Variants in IFT80 observed in about 807,000 individuals in gnomAD.
The protein encoded by IFT80 is intraflagellar transport protein 80 homolog.
A neutral mutation model predicts 107.9 loss-of-function variants in IFT80; 79 were observed. The observed-to-expected ratio is 0.73, with a 90% CI of 0.61 to 0.88. The LOEUF (loss-of-function observed/expected upper bound fraction) is 0.88, where lower values mean the gene tolerates loss of function less well. Among genes scored for constraint, IFT80 ranks in the 40% least tolerant of loss-of-function variants. The pLI is 0.00. For synonymous variants in IFT80, 299 were observed against 300.9 expected, an observed-to-expected ratio of 0.99 and a Z score of 0.07; for missense variants, 797 against 914.2, an observed-to-expected ratio of 0.87 and a Z score of 1.65.
intron 5 of IFT80, among the ~76,000 whole-genome samples, chr3:160,373,030 G>T (rs1711651862): frequency 6.6e-6 from 1 of 152,118 alleles, no homozygotes; most frequent in Non-Finnish European, 1.5e-5. Context: ...TATGGCATGG[G>T]ATTAGGCAAT....
At chr3:160,371,842 A>C (rs1711548945) in intron 5 of IFT80, among the ~76,000 whole-genome samples, 1 of 152,208 alleles carries the variant, frequency 6.6e-6, no homozygotes, top group Non-Finnish European at 1.5e-5. Flanking sequence ...AGTGTGGGGA[A>C]AATGTCCTTA....
chr3:160,365,435 C>T (rs1288386855), intron 6 of IFT80, among the ~76,000 whole-genome samples: 1 of 152,088 alleles, frequency 6.6e-6, no homozygotes, highest in Non-Finnish European at 1.5e-5. Context: ...TGTAGCCTGT[C>T]AATGTCTACC....
chr3:160,366,585 C>T lies in IFT80; in HGVS notation c.440-433G>A, dbSNP rs548432905. ...CAAATGTTTTTACATTTATTTGCAA[C>T]TAGTTCAACAAATGATGTTGGTTTA... On this transcript the variant is annotated intron_variant, in intron 5 of 19. Transcript: ENST00000326448. Among the ~76,000 whole-genome samples the T allele has an allele frequency of 3.9e-5, 6 of 152,136 alleles. No individual in the cohort carries two copies. The South Asian group carries it at 8.3e-4, about 21-fold the overall frequency.
chr3:160,398,931 C>A (rs1015378283), intron 1 of IFT80, among the ~76,000 whole-genome samples: 1 of 152,128 alleles, frequency 6.6e-6, no homozygotes, highest in Non-Finnish European at 1.5e-5. Context: ...TAAGCTATCA[C>A]GAATCCAGGT....
intron 18 of IFT80, among the ~76,000 whole-genome samples, chr3:160,276,694 T>C (rs1464285982): frequency 2.0e-5 from 3 of 152,230 alleles, no homozygotes; most frequent in African/African-American, 7.2e-5. Flanking sequence ...TGATTGCTGT[T>C]GACCAATCCT....
At chr3:160,393,301 A>T (rs1713524483) in intron 1 of IFT80, among the ~76,000 whole-genome samples, 1 of 152,230 alleles carries the variant, frequency 6.6e-6, no homozygotes, top group African/African-American at 2.4e-5. Flanking sequence ...TTAAATGTTC[A>T]TAGATTTTAC....
intron 6 of IFT80, among the ~76,000 whole-genome samples, chr3:160,362,777 T>C (rs926536847): frequency 4.6e-5 from 7 of 152,152 alleles, no homozygotes; most frequent in South Asian, 4.1e-4. Flanking sequence ...CACATGATTA[T>C]CTCAATAGAT....
At chr3:160,282,164 C>T (rs1714735092) in intron 14 of IFT80, among the ~76,000 whole-genome samples, 1 of 152,102 alleles carries the variant, frequency 6.6e-6, no homozygotes, top group Non-Finnish European at 1.5e-5. Context: ...GACTGTAGTC[C>T]TAGCTACTTG....
At chr3:160,359,076 C>CT in intron 6 of IFT80, among the ~76,000 whole-genome samples, 1 of 152,258 alleles carries the variant, frequency 6.6e-6, no homozygotes, top group Non-Finnish European at 1.5e-5. Flanking sequence ...ATTAAGCACA[C>CT]TTTTTTGTGG....
chr3:160,393,637 T>C (rs1713546597), intron 1 of IFT80, among the ~76,000 whole-genome samples: 2 of 152,082 alleles, frequency 1.3e-5, no homozygotes, highest in Admixed American at 1.3e-4. Flanking sequence ...ATATACTTAA[T>C]GTCACTGAAC....
intron 18 of IFT80, among the ~76,000 whole-genome samples, chr3:160,274,821 G>A (rs2108221211): frequency 1.3e-5 from 2 of 152,276 alleles, no homozygotes; most frequent in South Asian, 4.1e-4. Context: ...TTAGGTGGCT[G>A]AAGTACGATA....
chr3:160,323,355 G>A (rs1190458772), intron 8 of IFT80, among the ~76,000 whole-genome samples: 63 of 150,058 alleles, frequency 4.2e-4, no homozygotes, highest in Non-Finnish European at 7.9e-4. Flanking sequence ...GTAGATATGC[G>A]GCATTATTTC....
chr3:160,269,418 A>G (rs1293827726), intron 18 of IFT80, among the ~76,000 whole-genome samples: 1 of 152,150 alleles, frequency 6.6e-6, no homozygotes, highest in Non-Finnish European at 1.5e-5. Context: ...AATTGAGGCT[A>G]AGAAGTCTGA....
intron 5 of IFT80, among the ~76,000 whole-genome samples, chr3:160,373,881 C>T (rs1254732528): frequency 2.6e-5 from 4 of 152,136 alleles, no homozygotes; most frequent in South Asian, 2.1e-4. Flanking sequence ...TTTACTCACT[C>T]GCCCACCCAC....
Position 160,321,676 on chromosome 3 carries a change from C to G in IFT80, c.778-1737G>C, listed in dbSNP as rs151338329. ...CAATAGAACAATTATAAAAATATAC[C>G]ATAGTAAAAGTTATGTGAATGTGGT... On this transcript the variant is annotated intron_variant, in intron 8 of 19. Coordinates refer to ENST00000326448, the MANE Select transcript of IFT80 (RefSeq NM_020800.3). Among the ~76,000 whole-genome samples the G allele has an allele frequency of 2.3e-3, 352 of 151,590 alleles. 3 individuals are homozygous for G. The highest frequency in any genetic ancestry group is 7.9e-3 in the African/African-American group (325 of 41,376).
intron 6 of IFT80, among the ~76,000 whole-genome samples, chr3:160,363,528 C>T (rs954091385): frequency 9.9e-5 from 15 of 152,104 alleles, no homozygotes; most frequent in East Asian, 3.9e-4. Flanking sequence ...AAAGTTCATA[C>T]GGAACCAAAA....
intron 6 of IFT80, among the ~76,000 whole-genome samples, chr3:160,362,921 G>A (rs1721603357): frequency 6.6e-6 from 1 of 152,122 alleles, no homozygotes; most frequent in Non-Finnish European, 1.5e-5. Context: ...ATACTGAATG[G>A]GCAAAAACTG....
chr3:160,384,398 T>G, intron 2 of IFT80, 166 bp downstream of exon 2: 1 of 1,281,180 alleles, frequency 7.8e-7, no homozygotes, highest in Non-Finnish European at 9.9e-7. Flanking sequence ...CTTTGGAGAA[T>G]TACTTACAAC....
intron 15 of IFT80, among the ~76,000 whole-genome samples, chr3:160,280,114 T>G (rs1714570843): frequency 6.6e-6 from 1 of 152,206 alleles, no homozygotes; most frequent in African/African-American, 2.4e-5. Flanking sequence ...TTAAGAAGCC[T>G]TTGTATTCCT....
Sources: allele counts gnomAD v4.1 joint callset (sites outside exome capture counted in the v4.1 genomes callset), GRCh38; gene constraint gnomAD v4.1.1; transcripts MANE v1.5; gene names NCBI Gene and HGNC (gene_info 2026-07-23, HGNC 2026-07-21).